PCDH11Y: variants seen among roughly 807,000 people sequenced by gnomAD.
PCDH11Y encodes the protein protocadherin-11 Y-linked.
For synonymous variants in PCDH11Y, 9 were observed against 83.6 expected, an observed-to-expected ratio of 0.11 and a Z score of 4.87; for missense variants, 12 against 224.8, an observed-to-expected ratio of 0.05 and a Z score of 6.05.
At chrY:5,324,232 G>T (rs2053116270) in intron 2 of PCDH11Y, among the ~76,000 whole-genome samples, 1 of 32,897 alleles carries the variant, frequency 3.0e-5, no homozygotes, top group Non-Finnish European at 7.4e-5. Context: ...CAACTTGAGA[G>T]CAGGGACCAG....
At chrY:5,712,567 T>C in intron 4 of PCDH11Y, among the ~76,000 whole-genome samples, 1 of 33,884 alleles carries the variant, frequency 3.0e-5, no homozygotes, top group African/African-American at 1.2e-4. Context: ...TAAGAGGTTA[T>C]AAGAAGGCAT....
At chrY:5,389,755 A>G in intron 2 of PCDH11Y, among the ~76,000 whole-genome samples, 1 of 25,079 alleles carries the variant, frequency 4.0e-5, no homozygotes, top group African/African-American at 1.6e-4. Flanking sequence ...GCCGCCATCC[A>G]TGTAAGATAT....
chrY:5,180,482 T>C (rs2052898941), intron 2 of PCDH11Y, among the ~76,000 whole-genome samples: 2 of 33,621 alleles, frequency 5.9e-5, no homozygotes, highest in East Asian at 1.6e-3. Flanking sequence ...TGAATATCTT[T>C]GTTAATTTTC....
intron 2 of PCDH11Y, among the ~76,000 whole-genome samples, chrY:5,460,752 A>G (rs2053302284): frequency 6.0e-5 from 2 of 33,571 alleles, no homozygotes; most frequent in African/African-American, 1.1e-4. Context: ...TTAATAATAA[A>G]TGCCCGTGCA....
chrY:5,089,254 G>A (rs2124633534), intron 1 of PCDH11Y, among the ~76,000 whole-genome samples: 1 of 32,879 alleles, frequency 3.0e-5, no homozygotes, highest in South Asian at 6.9e-4. Context: ...AAAAAGACAC[G>A]TCTATGATTC....
intron 4 of PCDH11Y, among the ~76,000 whole-genome samples, chrY:5,661,244 A>T: frequency 3.0e-5 from 1 of 33,699 alleles, no homozygotes; most frequent in Non-Finnish European, 7.4e-5. Context: ...CAGTTCAAAC[A>T]ATTCTCTGTA....
chrY:5,739,095 T>C (rs2053614177), exon 5 of PCDH11Y: 1 of 31,626 alleles, frequency 3.2e-5, no homozygotes. Flanking sequence ...GGAAGGAACT[T>C]TTCAAGAAAT....
upstream of PCDH11Y, among the ~76,000 whole-genome samples, chrY:5,053,977 A>C: frequency 3.4e-5 from 1 of 29,807 alleles, no homozygotes; most frequent in Non-Finnish European, 8.0e-5. Context: ...ATGACGAGTT[A>C]ATGGGTGCAG....
chrY:5,526,738 T>G, intron 3 of PCDH11Y, among the ~76,000 whole-genome samples: 1 of 30,713 alleles, frequency 3.3e-5, no homozygotes, highest in Admixed American at 3.2e-4. Flanking sequence ...CTCTCAATAC[T>G]ATGATAATGT....
intron 1 of PCDH11Y, among the ~76,000 whole-genome samples, chrY:5,058,245 A>T: frequency 3.0e-5 from 1 of 32,944 alleles, no homozygotes; most frequent in Non-Finnish European, 7.5e-5. Flanking sequence ...GTATTCTTCA[A>T]AATATGTGCA....
chrY:5,381,440 A>G, intron 2 of PCDH11Y, among the ~76,000 whole-genome samples: 1 of 33,396 alleles, frequency 3.0e-5, no homozygotes, highest in African/African-American at 1.2e-4. Context: ...AACGCACTCC[A>G]TATAATCTTT....
intron 2 of PCDH11Y, among the ~76,000 whole-genome samples, chrY:5,125,583 T>C: frequency 3.0e-5 from 1 of 33,798 alleles, no homozygotes; most frequent in Non-Finnish European, 7.3e-5. Context: ...TTCAGAGATA[T>C]CATATCACTT....
intron 2 of PCDH11Y, among the ~76,000 whole-genome samples, chrY:5,485,711 T>G: frequency 3.2e-5 from 1 of 31,680 alleles, no homozygotes; most frequent in African/African-American, 1.2e-4. Context: ...AAAACCTCAC[T>G]TTTATATTTG....
At chrY:5,035,048 C>T in intron 3 of PCDH11Y, among the ~76,000 whole-genome samples, 1 of 31,731 alleles carries the variant, frequency 3.2e-5, no homozygotes. Flanking sequence ...CTATAGATTT[C>T]GAGAGGTAAT....
At chrY:5,108,580 T>C, downstream of PCDH11Y, among the ~76,000 whole-genome samples, 1 of 29,590 alleles carries the variant, frequency 3.4e-5, no homozygotes, top group African/African-American at 1.3e-4. Flanking sequence ...ACCTCGTCTC[T>C]ACTAAAAATA....
At chrY:5,051,295 T>A, upstream of PCDH11Y, among the ~76,000 whole-genome samples, 1 of 33,223 alleles carries the variant, frequency 3.0e-5, no homozygotes, top group Non-Finnish European at 7.4e-5. Flanking sequence ...CAAGTGGAAA[T>A]TATCCTTTTT....
At chrY:5,567,712 A>G (rs2053436514) in intron 3 of PCDH11Y, among the ~76,000 whole-genome samples, 1 of 29,046 alleles carries the variant, frequency 3.4e-5, no homozygotes. Context: ...TAATCAGTAT[A>G]TATAGATATT....
chrY:5,626,642 C>T, intron 4 of PCDH11Y, among the ~76,000 whole-genome samples: 1 of 33,087 alleles, frequency 3.0e-5, no homozygotes, highest in Admixed American at 2.8e-4. Flanking sequence ...CTTCATCTTC[C>T]GGTTTATCCT....
chrY:5,299,151 GA>G (rs71243521), intron 2 of PCDH11Y, among the ~76,000 whole-genome samples: 1 of 31,753 alleles, frequency 3.1e-5, no homozygotes, highest in African/African-American at 1.2e-4. Flanking sequence ...TATGTTATGT[GA>G]AAAAAAAATT....
Sources: allele counts gnomAD v4.1 joint callset (sites outside exome capture counted in the v4.1 genomes callset), GRCh38; gene constraint gnomAD v4.1.1; transcripts MANE v1.5; gene names NCBI Gene and HGNC (gene_info 2026-07-23, HGNC 2026-07-21).